Variants in FAM13C observed in about 807,000 individuals in gnomAD.
FAM13C encodes the protein family with sequence similarity 13 member C.
A neutral mutation model predicts 73.2 loss-of-function variants in FAM13C; 37 were observed. The ratio of observed to expected loss-of-function variants is 0.51; its 90% CI spans 0.39 to 0.67. The LOEUF (loss-of-function observed/expected upper bound fraction) is 0.67, where lower values mean the gene tolerates loss of function less well. Among genes scored for constraint, FAM13C ranks in the 30% least tolerant of loss-of-function variants. The pLI, the probability that FAM13C is intolerant of heterozygous loss-of-function variation, is 0.00. For synonymous variants in FAM13C, 246 were observed against 260.9 expected (o/e 0.94, Z 0.55); for missense variants, 589 against 715.6 (o/e 0.82, Z 2.02).
Position 59,352,386 on chromosome 10 carries a change from C to T in FAM13C, c.208G>A (p.Val70Ile). The T allele has an allele frequency of 6.2e-7, 1 of 1,614,128 alleles. No homozygotes were observed. Among genetic ancestry groups the T allele is most frequent in the Non-Finnish European group, 8.5e-7 (1 of 1,180,026 alleles). ...CTGTCCACCAGCACGGTCGCCTCTA[C>T]ATTCTGCTGCTGCGGCTCCCAAGAG... ...PPSWEPQQQN[V>I]EATVLVDSVL... The change falls in exon 3 of 14, where the codon GTA (valine) becomes ATA (isoleucine). Residue 70 changes from valine (V) to isoleucine (I), a missense_variant. Transcript: ENST00000618804.
intron 5 of FAM13C, among the ~76,000 whole-genome samples, chr10:59,294,805 G>A (rs1028784186): frequency 6.6e-6 from 1 of 152,190 alleles, no homozygotes; most frequent in Non-Finnish European, 1.5e-5. Context: ...CTCCAGCTGA[G>A]GAACAAACCT....
At chr10:59,271,580 A>T (rs1471752793) in intron 6 of FAM13C, among the ~76,000 whole-genome samples, 2 of 152,230 alleles carry the variant, frequency 1.3e-5, no homozygotes, top group Non-Finnish European at 1.5e-5. Flanking sequence ...TGTGACTGAC[A>T]CACATCACCA....
intron 5 of FAM13C, among the ~76,000 whole-genome samples, chr10:59,286,681 A>C (rs1845608154): frequency 6.6e-6 from 1 of 151,470 alleles, no homozygotes; most frequent in Non-Finnish European, 1.5e-5. Context: ...GATGGATGGT[A>C]GTGATGGTTG....
intron 13 of FAM13C, among the ~76,000 whole-genome samples, chr10:59,251,003 G>A (rs956343971): frequency 4.6e-5 from 7 of 152,050 alleles, no homozygotes; most frequent in African/African-American, 1.4e-4. Flanking sequence ...AAAATTGGAG[G>A]AAACTAATAG....
At chr10:59,338,623 C>T (rs751887122) in intron 3 of FAM13C, among the ~76,000 whole-genome samples, 4 of 152,212 alleles carry the variant, frequency 2.6e-5, no homozygotes, top group African/African-American at 4.8e-5. Context: ...TCTCCATCTT[C>T]GATACAACTA....
At chr10:59,356,459 A>G (rs1396122624) in intron 1 of FAM13C, among the ~76,000 whole-genome samples, 1 of 152,156 alleles carries the variant, frequency 6.6e-6, no homozygotes, top group African/African-American at 2.4e-5. Flanking sequence ...TCTCTTCCAT[A>G]TTGAAAAATC....
At chr10:59,295,761 A>G (rs1404393086) in intron 5 of FAM13C, among the ~76,000 whole-genome samples, 1 of 152,228 alleles carries the variant, frequency 6.6e-6, no homozygotes, top group Non-Finnish European at 1.5e-5. Flanking sequence ...TTGTCCCTAA[A>G]AAGGGGCTGA....
At chr10:59,249,322 T>TGAACCGA (rs1465885626) in intron 13 of FAM13C, among the ~76,000 whole-genome samples, 2 of 144,512 alleles carry the variant, frequency 1.4e-5, no homozygotes, top group Admixed American at 7.5e-5. Context: ...GAGAATGGCG[T>TGAACCGA]GAACCCAGGA....
At chr10:59,263,680 T>C (rs1262199127) in intron 9 of FAM13C, among the ~76,000 whole-genome samples, 1 of 152,172 alleles carries the variant, frequency 6.6e-6, no homozygotes, top group Admixed American at 6.6e-5. Context: ...GCCCACCACC[T>C]TCCAGCTATG....
chr10:59,284,465 C>T (rs1278200400), intron 5 of FAM13C, among the ~76,000 whole-genome samples: 1 of 151,892 alleles, frequency 6.6e-6, no homozygotes, highest in East Asian at 1.9e-4. Flanking sequence ...GACCCTCCAA[C>T]ACACACAGGC....
chr10:59,264,078 G>C lies in FAM13C; in HGVS notation c.1024+7C>G. On this transcript the variant is annotated splice_region_variant and intron_variant, in intron 9 of 13. Transcript: ENST00000618804. ...GTGAGGAAAAAAGATCTTTGGCTGG[G>C]ATTTACCTTTGAGCTGTTTACGACC... 2.5e-6 allele frequency: 4 copies of C among 1,612,090 alleles called. No homozygotes were observed. The highest frequency in any genetic ancestry group is 3.4e-6 in the Non-Finnish European group (4 of 1,178,436).
At chr10:59,283,533 A>G (rs551284395) in intron 5 of FAM13C, 86 bp from the exon 6 acceptor site, 18 of 1,316,614 alleles carry the variant, frequency 1.4e-5, no homozygotes, top group Non-Finnish European at 1.9e-5. Context: ...GCAGAACATG[A>G]GGCCAGCTAA....
intron 5 of FAM13C, among the ~76,000 whole-genome samples, chr10:59,301,969 G>A (rs1000735449): frequency 3.3e-5 from 5 of 152,118 alleles, no homozygotes; most frequent in Admixed American, 6.5e-5. Context: ...TTTTTGTGGG[G>A]TGGGAGAGGA....
At chr10:59,279,188 T>C (rs1844658099) in intron 6 of FAM13C, among the ~76,000 whole-genome samples, 1 of 152,186 alleles carries the variant, frequency 6.6e-6, no homozygotes, top group Admixed American at 6.5e-5. Flanking sequence ...TTAGGCCTCA[T>C]CTTTATATTT....
chr10:59,275,372 A>G (rs1224813622), intron 6 of FAM13C, among the ~76,000 whole-genome samples: 1 of 152,158 alleles, frequency 6.6e-6, no homozygotes. Flanking sequence ...AAGAGACAGG[A>G]CAGGTTGTCT....
chr10:59,299,349 G>A (rs1847287492), intron 5 of FAM13C, among the ~76,000 whole-genome samples: 1 of 152,092 alleles, frequency 6.6e-6, no homozygotes, highest in Non-Finnish European at 1.5e-5. Context: ...CGGAAGCAAG[G>A]TGGGAAGAAA....
chr10:59,252,913 C>A lies in FAM13C; in HGVS notation c.1418G>T (p.Gly473Val), dbSNP rs762459660. 1.6e-5 allele frequency: 26 copies of A among 1,614,084 alleles called. No individual in the cohort carries two copies. In the South Asian group the frequency reaches 2.9e-4, roughly 18 times the overall value. Reference sequence around the variant, plus strand: ...CTCATTAGAGTAGGTGAGGTGGTCACCAACAGGAAGGTGAGATGCTGGATC... The same window carrying A: ...CTCATTAGAGTAGGTGAGGTGGTCAACAACAGGAAGGTGAGATGCTGGATC... ...LADPASHLPV[G>V]DHLTYSNETE... is the part of the protein sequence containing the mutation. The change falls in exon 12 of 14, where the codon GGT (glycine) becomes GTT (valine). Residue 473 changes from glycine (G) to valine (V), a missense_variant. Gly to Val is a moderately radical substitution (Grantham distance 109). Transcript: ENST00000618804.
intron 3 of FAM13C, among the ~76,000 whole-genome samples, chr10:59,331,777 A>G (rs567644200): frequency 6.6e-6 from 1 of 152,314 alleles, no homozygotes; most frequent in East Asian, 1.9e-4. Flanking sequence ...TATTAAAGAG[A>G]TAGAAAAAAT....
intron 5 of FAM13C, among the ~76,000 whole-genome samples, chr10:59,296,380 G>C (rs574667212): frequency 1.1e-4 from 17 of 152,238 alleles, no homozygotes; most frequent in Admixed American, 3.9e-4. Flanking sequence ...CATATTAAAG[G>C]ATTCTTCATC....
Sources: allele counts gnomAD v4.1 joint callset (sites outside exome capture counted in the v4.1 genomes callset), GRCh38; gene constraint gnomAD v4.1.1; transcripts MANE v1.5; gene names NCBI Gene and HGNC (gene_info 2026-07-23, HGNC 2026-07-21).